Variants in PIEZO2 observed in about 807,000 individuals in gnomAD.
The protein encoded by PIEZO2 is piezo type mechanosensitive ion channel component 2, also known as piezo-type mechanosensitive ion channel component 2.
A neutral mutation model predicts 337.3 loss-of-function variants in PIEZO2; 172 were observed. That is an observed-to-expected ratio of 0.51 (90% CI 0.45 to 0.58). PIEZO2 has a LOEUF of 0.58. Ranked by LOEUF, PIEZO2 falls within the 20% of genes least tolerant of loss-of-function variation. The pLI is 0.00. For missense variants in PIEZO2, 3,028 were observed against 3,391.3 expected, an observed-to-expected ratio of 0.89 and a Z score of 2.66; for synonymous variants, 1,251 against 1,228.5, an observed-to-expected ratio of 1.02 and a Z score of -0.38.
chr18:11,087,496 GCAAATGGGTAAGAA>G lies in PIEZO2; in HGVS notation c.65-21288_65-21275del, dbSNP rs201224256. 5.0e-4 allele frequency among the ~76,000 whole-genome samples: 76 copies of G among 152,234 alleles called. No homozygotes were observed. The East Asian group carries it at 0.01, about 21-fold the overall frequency. On this transcript the variant is annotated intron_variant, in intron 1 of 55. Transcript: ENST00000674853. ...TAGATAATAAAAATATTTTTCCTGTGCAAATGGGTAAGAACACAGTGTGGTTCTCAAGAAGCTTA... is the reference window on the plus strand; with the variant it reads ...TAGATAATAAAAATATTTTTCCTGTGCACAGTGTGGTTCTCAAGAAGCTTA...
rs530907575 is a variant in PIEZO2, at chr18:11,002,419, T to C, written c.161-22759A>G. ...AAGAAATTCCCTAGGAGGCATTCCA[T>C]TGATGATATCTGAGAGTCAGTCCTC... On this transcript the variant is annotated intron_variant, in intron 2 of 55. Transcript: ENST00000674853. The surrounding 1 kb of genome is among the most constrained non-coding windows in gnomAD (Gnocchi z 4.3). 1.2e-4 allele frequency among the ~76,000 whole-genome samples: 19 copies of C among 152,294 alleles called. 1 individual carries two copies. In the South Asian group the frequency reaches 2.5e-3, roughly 20 times the overall value.
In PIEZO2 at chr18:10,671,378, T is replaced by C; in HGVS notation, c.*149A>G. On this transcript the variant is annotated 3_prime_UTR_variant, in exon 56 of 56. Transcript: ENST00000674853. ...CCTTAACTTGCAAGGTAGCTTTTAC[T>C]GCAGAAGGATATCAGCTCCTTTTGT... is the stretch of plus-strand genomic sequence containing the variant. The C allele has an allele frequency of 3.7e-6, 3 of 800,224 alleles. No individual in the cohort carries two copies. The highest frequency in any genetic ancestry group is 5.6e-6 in the Non-Finnish European group (3 of 535,566). 49.6% of individuals were successfully genotyped at this position (800,224 alleles called of 1,614,324 possible).
At position 11,148,387 on chromosome 18, in the gene PIEZO2, G is replaced by C. The variant is rs977223266; in HGVS notation, c.64+138C>G. On this transcript the variant is annotated intron_variant, in intron 1 of 55. Coordinates refer to ENST00000674853, the MANE Select transcript of PIEZO2 (RefSeq NM_001378183.1). This position sits in a 1 kb window ranked among gnomAD's most constrained non-coding sequence, Gnocchi z 5.2. ...GTGAGAGAGCCAGGCTGTGCACCAG[G>C]GACAGCGCGCGTCTGACGCCGCTGG... 27 of 953,278 alleles carry C rather than the reference G, an allele frequency of 2.8e-5. No individual in the cohort carries two copies. In the African/African-American group the frequency reaches 4.2e-4, roughly 15 times the overall value. 59.1% of individuals were successfully genotyped at this position (953,278 alleles called of 1,614,324 possible).
rs2039763644 is a variant in PIEZO2 at position 10,800,278 on chromosome 18, A to G, written c.1378+59T>C. ...AAATAAGCAACAACAACAAAAAGAGAGAGGCCAAGCTTCTAAATGAGGAAG... is the reference window on the plus strand; with the variant it reads ...AAATAAGCAACAACAACAAAAAGAGGGAGGCCAAGCTTCTAAATGAGGAAG... On this transcript the variant is annotated intron_variant, in intron 11 of 55. Coordinates refer to ENST00000674853, the MANE Select transcript of PIEZO2 (RefSeq NM_001378183.1). 9 of 1,488,694 alleles carry G rather than the reference A, an allele frequency of 6.0e-6. No individual in the cohort carries two copies. In the East Asian group the frequency reaches 2.3e-4, roughly 38 times the overall value. 92.2% of individuals were successfully genotyped at this position (1,488,694 alleles called of 1,614,324 possible). A position where few individuals can be genotyped will look rare whatever the true frequency, so the allele number is the denominator to read the frequency against.
intron 30 of PIEZO2, among the ~76,000 whole-genome samples, chr18:10,747,724 C>T (rs1345032869): frequency 1.3e-5 from 2 of 152,170 alleles, no homozygotes; most frequent in South Asian, 2.1e-4. Flanking sequence ...TTGTGTTTAT[C>T]ATGGCAGGGA....
chr18:10,873,214 A>G (rs1451637355), intron 4 of PIEZO2, among the ~76,000 whole-genome samples: 4 of 152,184 alleles, frequency 2.6e-5, no homozygotes, highest in African/African-American at 9.6e-5. Context: ...GTTATCAATA[A>G]TACCTACCAT....
At position 10,855,480 on chromosome 18, in the gene PIEZO2, C is replaced by T. The variant is rs1310236262; in HGVS notation, c.790G>A (p.Asp264Asn). ...CTWWSWCRTF[D>N]PLLFSCLCVL... is the part of the protein sequence containing the mutation. Reference sequence around the variant, plus strand: ...CAGAGACAGCTGAACAGCAATGGGTCGAACGTCCGGCACCAGGACCACCAG... The same window carrying T: ...CAGAGACAGCTGAACAGCAATGGGTTGAACGTCCGGCACCAGGACCACCAG... Residue 264 changes from aspartate (D) to asparagine (N), a missense_variant, in exon 7 of 56, where the codon GAC (aspartate) becomes AAC (asparagine). Transcript: ENST00000674853. This position sits in a 1 kb window ranked among gnomAD's most constrained non-coding sequence, Gnocchi z 4.9. 7.2e-6 allele frequency: 11 copies of T among 1,537,030 alleles called. No homozygotes were observed. The East Asian group carries it at 9.8e-5, about 14-fold the overall frequency.
rs147925293 is a variant in PIEZO2, at chr18:10,850,359, C to T, written c.917+4994G>A. Among the ~76,000 whole-genome samples the T allele has an allele frequency of 8.5e-4, 129 of 152,274 alleles. No homozygotes were observed. Among genetic ancestry groups the T allele is most frequent in the Non-Finnish European group, 1.6e-3 (112 of 68,030 alleles). On this transcript the variant is annotated intron_variant, in intron 7 of 55. Coordinates refer to ENST00000674853, the MANE Select transcript of PIEZO2 (RefSeq NM_001378183.1). This position sits in a 1 kb window ranked among gnomAD's most constrained non-coding sequence, Gnocchi z 4.5. Reference sequence around the variant, plus strand: ...TATGCATGGGGAGGGCATCGCAAACCGGTAAGCTAGTTAACATTATGTTGG... The same window carrying T: ...TATGCATGGGGAGGGCATCGCAAACTGGTAAGCTAGTTAACATTATGTTGG...
At position 11,078,856 on chromosome 18, in the gene PIEZO2, T is replaced by C. The variant is rs2038641286; in HGVS notation, c.65-12634A>G. Among the ~76,000 whole-genome samples the C allele has an allele frequency of 6.6e-6, 1 of 152,218 alleles. No individual in the cohort carries two copies. The highest frequency in any genetic ancestry group is 1.5e-5 in the Non-Finnish European group (1 of 68,032). On this transcript the variant is annotated intron_variant, in intron 1 of 55. Coordinates refer to ENST00000674853, the MANE Select transcript of PIEZO2 (RefSeq NM_001378183.1). The surrounding 1 kb of genome is among the most constrained non-coding windows in gnomAD (Gnocchi z 5.3). ...CATCGAATCACAGAGTCTGTGTTAC[T>C]GAGAATGGAGAGGGGTGAAAAAGAA...
chr18:10,922,880 A>G (rs2031512967), intron 3 of PIEZO2, among the ~76,000 whole-genome samples: 1 of 152,206 alleles, frequency 6.6e-6, no homozygotes, highest in Non-Finnish European at 1.5e-5. Context: ...GTTTTAGACA[A>G]TTTAGAAAAT....
chr18:10,768,471 G>T (rs978773935), intron 21 of PIEZO2, among the ~76,000 whole-genome samples: 2 of 152,172 alleles, frequency 1.3e-5, no homozygotes, highest in African/African-American at 4.8e-5. Flanking sequence ...CTTCAGGGCC[G>T]GAAACCCCCC....
In PIEZO2 at chr18:11,110,390, G is replaced by A. The variant is rs2146140149; in HGVS notation, c.64+38135C>T. On this transcript the variant is annotated intron_variant, in intron 1 of 55. Transcript: ENST00000674853. The surrounding 1 kb of genome is among the most constrained non-coding windows in gnomAD (Gnocchi z 4.2). ...GACAGTAGAAAGATCATCCCACCCT[G>A]GGAGTTGGGCCTCCCCCGCATTCTG... Among the ~76,000 whole-genome samples the A allele has an allele frequency of 6.6e-6, 1 of 152,298 alleles. No individual in the cohort carries two copies. The highest frequency in any genetic ancestry group is 2.1e-4 in the South Asian group (1 of 4,826).
In PIEZO2 at chr18:10,940,162, A is replaced by C. The variant is rs1411002884; in HGVS notation, c.287-28934T>G. Among the ~76,000 whole-genome samples the C allele has an allele frequency of 1.3e-5, 2 of 152,310 alleles. No individual in the cohort carries two copies. Among genetic ancestry groups the C allele is most frequent in the East Asian group, 3.9e-4 (2 of 5,180 alleles). On this transcript the variant is annotated intron_variant, in intron 3 of 55. Transcript: ENST00000674853. This position sits in a 1 kb window ranked among gnomAD's most constrained non-coding sequence, Gnocchi z 5.3. ...GAGGCTTTGGCCATCTTTGATTAGC[A>C]CACGAATTTGTTATTTATTAAAATA...
rs2035983522 is a variant in PIEZO2 at position 10,715,691 on chromosome 18, G to A, written c.5215C>T (p.Leu1739=). ...SREHIDISTV[L]RIERCMLTRE... ...GTCAGCATGCATCGTTCAATTCTCA[G>A]AACTGTAGATATATCAATATGCTCC... Residue 1739 remains leucine, a synonymous_variant, in exon 38 of 56, where the codon CTG becomes TTG. Transcript: ENST00000674853. 1.3e-6 allele frequency: 2 copies of A among 1,536,582 alleles called. No homozygotes were observed. Among genetic ancestry groups the A allele is most frequent in the Non-Finnish European group, 1.7e-6 (2 of 1,146,654 alleles).
At chr18:10,964,551 A>G (rs2033922489) in intron 3 of PIEZO2, among the ~76,000 whole-genome samples, 1 of 152,250 alleles carries the variant, frequency 6.6e-6, no homozygotes, top group South Asian at 2.1e-4. Context: ...ATGAGACTTT[A>G]GTGAATACGG....
In PIEZO2 at chr18:10,856,907, C is replaced by T. The variant is rs2041720064; in HGVS notation, c.703+94G>A. On this transcript the variant is annotated intron_variant, in intron 6 of 55. Transcript: ENST00000674853. The surrounding 1 kb of genome is among the most constrained non-coding windows in gnomAD (Gnocchi z 4.7). ...TATGATATTCATGTGGTGGAACAGACTGTTTCCTTCATTTCTTCTTCAACC... is the reference window on the plus strand; with the variant it reads ...TATGATATTCATGTGGTGGAACAGATTGTTTCCTTCATTTCTTCTTCAACC... 1.7e-5 allele frequency: 19 copies of T among 1,149,956 alleles called. No individual in the cohort carries two copies. Among genetic ancestry groups the T allele is most frequent in the East Asian group, 2.6e-5 (1 of 39,070 alleles). The allele number at this position is 1,149,956 out of a possible 1,614,324, so 71.2% of individuals were successfully genotyped here.
At chr18:10,892,545 A>T (rs908883040) in intron 4 of PIEZO2, among the ~76,000 whole-genome samples, 3 of 151,848 alleles carry the variant, frequency 2.0e-5, no homozygotes, top group Admixed American at 1.3e-4. Flanking sequence ...ACACATCCTG[A>T]CTATGGTGGT....
At chr18:10,838,503 G>T (rs903241446) in intron 7 of PIEZO2, among the ~76,000 whole-genome samples, 2 of 152,146 alleles carry the variant, frequency 1.3e-5, no homozygotes, top group African/African-American at 4.8e-5. Flanking sequence ...CTGTAATTGG[G>T]CTTCATATTA....
At chr18:10,742,402 G>A (rs1158982552) in intron 32 of PIEZO2, 92 bp downstream of exon 32, 22 of 1,384,780 alleles carry the variant, frequency 1.6e-5, no homozygotes, top group Non-Finnish European at 2.0e-5. Flanking sequence ...AATCTTGGCA[G>A]AATAAGAAGT....
Sources: gnomAD v4.1 joint callset for allele counts (sites outside exome capture counted in the v4.1 genomes callset) on GRCh38, gnomAD v4.1.1 for gene constraint, Gnocchi (gnomAD v3.1) non-coding constraint, MANE v1.5 for transcripts, NCBI Gene and HGNC (gene_info 2026-07-23, HGNC 2026-07-21) for gene names.